SPIN1: variants seen among roughly 807,000 people sequenced by gnomAD.
SPIN1 encodes the protein spindlin-1.
A neutral mutation model predicts 26.0 loss-of-function variants in SPIN1; 3 were observed. The observed-to-expected ratio is 0.12, with a 90% confidence interval of 0.05 to 0.30. The LOEUF is 0.30. Among genes scored for constraint, SPIN1 ranks in the 10% least tolerant of loss-of-function variants. SPIN1 has a pLI of 1.00. For synonymous variants in SPIN1, 101 were observed against 116.5 expected (o/e 0.87, Z 0.86); for missense variants, 126 against 333.4 (o/e 0.38, Z 4.84).
chr9:88,411,562 A>AG (rs1564025513), intron 1 of SPIN1: 3 of 611,756 alleles, frequency 4.9e-6, no homozygotes, highest in Non-Finnish European at 8.6e-6. Flanking sequence ...CACCCAGGCT[A>AG]GAGTGCAGTG....
At chr9:88,415,648 C>T (rs1177266453) in intron 1 of SPIN1, 1 of 152,222 alleles carries the variant, frequency 6.6e-6, no homozygotes, top group Non-Finnish European at 1.5e-5. Context: ...TCTGGAACTC[C>T]TGGACTCAAG....
At chr9:88,423,800 C>T (rs1023316054) in intron 1 of SPIN1, among the ~76,000 whole-genome samples, 10 of 150,650 alleles carry the variant, frequency 6.6e-5, no homozygotes, top group Non-Finnish European at 1.3e-4. Flanking sequence ...GGGTCTCACT[C>T]TGTCATCCAG....
At position 88,411,455 on chromosome 9, in the gene SPIN1, C is replaced by T. The variant is rs537615022; in HGVS notation, c.-158-14927C>T. On this transcript the variant is annotated intron_variant, in intron 1 of 5. Coordinates refer to ENST00000375859, the MANE Select transcript of SPIN1 (RefSeq NM_006717.3). ...TTCGGGCTCTTTAGGAGACTTGTGA[C>T]TTAGACATGATGGCATGGAGAAGAG... 2.3e-4 allele frequency: 303 copies of T among 1,328,938 alleles called. 1 individual carries two copies. The highest frequency in any genetic ancestry group is 1.9e-3 in the Middle Eastern group (7 of 3,750). The allele number at this position is 1,328,938 out of a possible 1,614,324, so 82.3% of individuals were successfully genotyped here.
At chr9:88,451,456 G>C (rs907126240) in intron 3 of SPIN1, among the ~76,000 whole-genome samples, 11 of 152,174 alleles carry the variant, frequency 7.2e-5, no homozygotes, top group African/African-American at 2.7e-4. Context: ...TTTCCTATAG[G>C]CTGAGCACCT....
chr9:88,405,662 G>A (rs1481371913), intron 1 of SPIN1, among the ~76,000 whole-genome samples: 3 of 147,998 alleles, frequency 2.0e-5, no homozygotes, highest in African/African-American at 7.6e-5. Context: ...TTCTGCCTCA[G>A]CCTCCTGAGT....
At chr9:88,454,183 C>G (rs1161545267) in intron 3 of SPIN1, among the ~76,000 whole-genome samples, 1 of 152,018 alleles carries the variant, frequency 6.6e-6, no homozygotes, top group Non-Finnish European at 1.5e-5. Flanking sequence ...ATGTTACTAA[C>G]TGGTAAATGA....
intron 3 of SPIN1, among the ~76,000 whole-genome samples, chr9:88,457,119 A>T (rs1828487890): frequency 6.6e-6 from 1 of 152,164 alleles, no homozygotes; most frequent in African/African-American, 2.4e-5. Flanking sequence ...AAGCGGGTGG[A>T]GGAGGAGAAT....
chr9:88,416,037 T>TG (rs1159233511), intron 1 of SPIN1, among the ~76,000 whole-genome samples: 1 of 152,092 alleles, frequency 6.6e-6, no homozygotes, highest in East Asian at 1.9e-4. Context: ...ATTACAGGCA[T>TG]GAGCCACCAC....
At chr9:88,444,718 T>TCC (rs1282520369) in intron 2 of SPIN1, among the ~76,000 whole-genome samples, 1 of 137,392 alleles carries the variant, frequency 7.3e-6, no homozygotes, top group Non-Finnish European at 1.5e-5. Context: ...TGAGATGGAG[T>TCC]CTTGCTCTGT....
At chr9:88,419,864 T>G (rs998638882) in intron 1 of SPIN1, among the ~76,000 whole-genome samples, 2 of 152,096 alleles carry the variant, frequency 1.3e-5, no homozygotes, top group Admixed American at 6.5e-5. Flanking sequence ...CAAACTGAGG[T>G]GTTATCGGAC....
intron 2 of SPIN1, among the ~76,000 whole-genome samples, chr9:88,443,447 ATTCTT>A (rs1472799011): frequency 6.6e-6 from 1 of 152,092 alleles, no homozygotes; most frequent in Non-Finnish European, 1.5e-5. Context: ...TTGTCCATCT[ATTCTT>A]TCATGTTGTC....
At chr9:88,450,635 A>G (rs1828336756) in intron 3 of SPIN1, among the ~76,000 whole-genome samples, 1 of 152,178 alleles carries the variant, frequency 6.6e-6, no homozygotes, top group Non-Finnish European at 1.5e-5. Context: ...CTCTCATCCT[A>G]TATGTTCCAC....
At chr9:88,444,943 C>T (rs1337391811) in intron 2 of SPIN1, among the ~76,000 whole-genome samples, 1 of 152,144 alleles carries the variant, frequency 6.6e-6, no homozygotes, top group Non-Finnish European at 1.5e-5. Flanking sequence ...ATCCGCCCGC[C>T]TCGGCCTCCC....
chr9:88,411,591 A>G (rs534678460), intron 1 of SPIN1: 21 of 565,632 alleles, frequency 3.7e-5, no homozygotes, highest in African/African-American at 2.8e-4. Flanking sequence ...TTGGCTTACT[A>G]TAGCCTTGGC....
chr9:88,408,503 A>G (rs991599407), intron 1 of SPIN1, among the ~76,000 whole-genome samples: 2 of 150,596 alleles, frequency 1.3e-5, no homozygotes, highest in African/African-American at 4.9e-5. Context: ...CAACCTGCCA[A>G]GTAGCTGGGA....
chr9:88,389,862 A>G (rs529181664), intron 1 of SPIN1, among the ~76,000 whole-genome samples: 96 of 152,076 alleles, frequency 6.3e-4, no homozygotes, highest in Non-Finnish European at 1.3e-3. Flanking sequence ...TTTTTTTAAC[A>G]CTCTTTTGAA....
chr9:88,456,212 CAGAT>C (rs746284783), intron 3 of SPIN1, among the ~76,000 whole-genome samples: 4 of 150,486 alleles, frequency 2.7e-5, no homozygotes, highest in Admixed American at 6.6e-5. Context: ...ATTTTATACA[CAGAT>C]AGAAAATAAT....
chr9:88,471,482 G>A (rs1037258075), intron 5 of SPIN1, among the ~76,000 whole-genome samples: 1 of 151,588 alleles, frequency 6.6e-6, no homozygotes, highest in African/African-American at 2.4e-5. Context: ...GGGCAGCACG[G>A]GGAAACCCTG....
intron 1 of SPIN1, among the ~76,000 whole-genome samples, chr9:88,405,443 G>A (rs1401202560): frequency 6.6e-6 from 1 of 151,664 alleles, no homozygotes; most frequent in African/African-American, 2.4e-5. Context: ...TGGTCAGGCT[G>A]GTCCAGTACT....
Sources: allele counts gnomAD v4.1 joint callset (sites outside exome capture counted in the v4.1 genomes callset), GRCh38; gene constraint gnomAD v4.1.1; transcripts MANE v1.5; gene names NCBI Gene and HGNC (gene_info 2026-07-23, HGNC 2026-07-21).